CPNE3: variants seen among roughly 807,000 people sequenced by gnomAD.
The protein encoded by CPNE3 is copine-3.
In CPNE3, 68 loss-of-function variants were observed where a neutral mutation model predicts 63.9. That is an observed-to-expected ratio of 1.06 (90% CI 0.87 to 1.30). The LOEUF (loss-of-function observed/expected upper bound fraction) is 1.30, where lower values mean the gene tolerates loss of function less well. Ranked by LOEUF, CPNE3 falls within the 50% of genes most tolerant of loss-of-function variation. The pLI is 0.00. For synonymous variants in CPNE3, 219 were observed against 197.5 expected, an observed-to-expected ratio of 1.11 and a Z score of -0.91; for missense variants, 665 against 578.1, an observed-to-expected ratio of 1.15 and a Z score of -1.54.
At chr8:86,556,396 A>G (rs1469684237) in intron 16 of CPNE3, 58 bp downstream of exon 16, 25 of 858,046 alleles carry the variant, frequency 2.9e-5, no homozygotes, top group Non-Finnish European at 4.1e-5. Context: ...ACCTTTGCCC[A>G]TCTACAACCA....
In CPNE3 at chr8:86,549,543, G is replaced by A. The variant is rs199849389; in HGVS notation, c.1013+1109G>A. Among the ~76,000 whole-genome samples the A allele has an allele frequency of 5.3e-5, 8 of 152,146 alleles. No homozygotes were observed. In the East Asian group the frequency reaches 1.2e-3, roughly 22 times the overall value. ...AAAGCTGTCAAACTGGACAAGAATT[G>A]AATTTGGATCCCTGACTCATACTTG... On this transcript the variant is annotated intron_variant, in intron 12 of 16. Transcript: ENST00000517490.
At position 86,544,836 on chromosome 8, in the gene CPNE3, C is replaced by T. The variant is rs768956401; in HGVS notation, c.730C>T (p.Pro244Ser). Residue 244 changes from proline (P) to serine (S), a missense_variant and splice_region_variant, in exon 9 of 17, where the codon CCT becomes TCT. By Grantham distance (74) the Pro-to-Ser change is moderately conservative. Coordinates refer to ENST00000517490, the MANE Select transcript of CPNE3 (RefSeq NM_003909.5). ...TKLKEASRSS[P>S]VEFECINEKK... ...ACTGAAAGAAGCCTCCAGAAGCTCACCTGTAAGTTACATCCTTGCATTTGC... is the reference window on the plus strand; with the variant it reads ...ACTGAAAGAAGCCTCCAGAAGCTCATCTGTAAGTTACATCCTTGCATTTGC... 6.4e-6 allele frequency: 10 copies of T among 1,568,340 alleles called. No homozygotes were observed. In the South Asian group the frequency reaches 1.0e-4, roughly 16 times the overall value.
At chr8:86,537,022 A>G (rs889825219) in intron 6 of CPNE3, among the ~76,000 whole-genome samples, 1 of 152,176 alleles carries the variant, frequency 6.6e-6, no homozygotes, top group African/African-American at 2.4e-5. Flanking sequence ...TCATTTGTGT[A>G]TGTAAAGAAA....
intron 9 of CPNE3, 80 bp from the exon 10 acceptor site, chr8:86,546,515 A>T: frequency 6.9e-7 from 1 of 1,453,256 alleles, no homozygotes. Flanking sequence ...CTAAAGGAAA[A>T]AAAGTCATTC....
intron 6 of CPNE3, among the ~76,000 whole-genome samples, chr8:86,533,310 A>G (rs1484641187): frequency 6.6e-6 from 1 of 152,104 alleles, no homozygotes; most frequent in Non-Finnish European, 1.5e-5. Flanking sequence ...TGGGAGGCCG[A>G]GGTGGGGAGA....
chr8:86,518,900 A>G (rs920596308), intron 2 of CPNE3, among the ~76,000 whole-genome samples: 2 of 151,994 alleles, frequency 1.3e-5, no homozygotes, highest in Non-Finnish European at 2.9e-5. Context: ...CTCCAGAATG[A>G]CTGGGACCAC....
At chr8:86,549,750 G>A (rs7833201) in intron 12 of CPNE3, among the ~76,000 whole-genome samples, 4 of 152,104 alleles carry the variant, frequency 2.6e-5, no homozygotes, top group African/African-American at 7.2e-5. Flanking sequence ...GCTTCCCTCC[G>A]GGGTTCCATA....
chr8:86,551,797 A>G (rs1237405883), intron 14 of CPNE3, among the ~76,000 whole-genome samples: 1 of 151,980 alleles, frequency 6.6e-6, no homozygotes, highest in Non-Finnish European at 1.5e-5. Flanking sequence ...GGAGGCAAAT[A>G]TTTGTCTTTC....
At chr8:86,532,407 A>T in intron 5 of CPNE3, 102 bp from the exon 6 acceptor site, 1 of 679,396 alleles carries the variant, frequency 1.5e-6, no homozygotes, top group Non-Finnish European at 2.3e-6. Flanking sequence ...ATTCATTTAT[A>T]TTAGTGTAGG....
At chr8:86,518,731 T>C in intron 2 of CPNE3, among the ~76,000 whole-genome samples, 1 of 152,036 alleles carries the variant, frequency 6.6e-6, no homozygotes, top group Non-Finnish European at 1.5e-5. Flanking sequence ...TCTGCTTAGG[T>C]AGCTAATAAG....
rs778087370 is a variant in CPNE3 at position 86,547,694 on chromosome 8, T to A, written c.820-17T>A. Reference sequence around the variant, plus strand: ...ATAGTAGGAGAGTTGTAATTTTAAGTTTTCTCTTATTTTTAGATTACAGTA... The same window carrying A: ...ATAGTAGGAGAGTTGTAATTTTAAGATTTCTCTTATTTTTAGATTACAGTA... On this transcript the variant is annotated splice_polypyrimidine_tract_variant and intron_variant, in intron 10 of 16. Transcript: ENST00000517490. 7.4e-6 allele frequency: 8 copies of A among 1,077,798 alleles called. No individual in the cohort carries two copies. The South Asian group carries it at 1.0e-4, about 14-fold the overall frequency. 66.8% of individuals were successfully genotyped at this position (1,077,798 alleles called of 1,614,324 possible). A position where few individuals can be genotyped will look rare whatever the true frequency, so the allele number is the denominator to read the frequency against.
chr8:86,537,805 G>A (rs764053989), intron 7 of CPNE3, among the ~76,000 whole-genome samples, 159 bp downstream of exon 7: 6 of 152,028 alleles, frequency 3.9e-5, no homozygotes, highest in Non-Finnish European at 8.8e-5. Flanking sequence ...TTCTTTCAAT[G>A]AGGAGGTGCT....
At chr8:86,556,064 T>C (rs1821317691) in intron 15 of CPNE3, 38 bp from the exon 16 acceptor site, 1 of 861,554 alleles carries the variant, frequency 1.2e-6, no homozygotes, top group Admixed American at 1.7e-5. Context: ...TAGCCATTGC[T>C]TGACTTGCTC....
At chr8:86,539,875 G>A (rs1820893186) in intron 7 of CPNE3, among the ~76,000 whole-genome samples, 1 of 151,954 alleles carries the variant, frequency 6.6e-6, no homozygotes. Flanking sequence ...ATGTTGGCCA[G>A]GCTGGTCTCA....
intron 2 of CPNE3, 67 bp from the exon 3 acceptor site, chr8:86,528,469 G>C: frequency 6.4e-7 from 1 of 1,565,922 alleles, no homozygotes; most frequent in Non-Finnish European, 8.7e-7. Context: ...ACCTGTTTTT[G>C]TTAGGAATGA....
intron 2 of CPNE3, among the ~76,000 whole-genome samples, chr8:86,516,675 C>T (rs918213264): frequency 6.6e-6 from 1 of 152,162 alleles, no homozygotes; most frequent in Non-Finnish European, 1.5e-5. Context: ...CAGGTGTGAG[C>T]CACCACACCC....
intron 2 of CPNE3, among the ~76,000 whole-genome samples, chr8:86,519,446 G>A (rs1246524241): frequency 6.6e-6 from 1 of 152,192 alleles, no homozygotes; most frequent in Non-Finnish European, 1.5e-5. Flanking sequence ...TTTAGATCCT[G>A]CTCAAGATAG....
Position 86,558,593 on chromosome 8 carries a change from C to G in CPNE3, c.*183C>G. The G allele has an allele frequency of 1.8e-6, 1 of 544,844 alleles. No homozygotes were observed. The highest frequency in any genetic ancestry group is 3.3e-6 in the Non-Finnish European group (1 of 304,088). 33.8% of individuals were successfully genotyped at this position (544,844 alleles called of 1,614,324 possible). ...TTTGGGGGGACAGTGCCAAGTCCAT[C>G]TTTGCCCAGTCAATTCAGTGATTGA... is the stretch of plus-strand genomic sequence containing the variant. On this transcript the variant is annotated 3_prime_UTR_variant, in exon 17 of 17. Coordinates refer to ENST00000517490, the MANE Select transcript of CPNE3 (RefSeq NM_003909.5).
chr8:86,529,730 T>C (rs1270885845), intron 4 of CPNE3, among the ~76,000 whole-genome samples: 1 of 152,198 alleles, frequency 6.6e-6, no homozygotes. Flanking sequence ...TGGCTCCCCA[T>C]TTTGCTCCTA....
Sources: gnomAD v4.1 joint callset for allele counts (sites outside exome capture counted in the v4.1 genomes callset) on GRCh38, gnomAD v4.1.1 for gene constraint, MANE v1.5 for transcripts, NCBI Gene and HGNC (gene_info 2026-07-23, HGNC 2026-07-21) for gene names.